The following GDAP1L1 variants were observed in gnomAD, a reference collection of about 807,000 sequenced individuals.
GDAP1L1 encodes ganglioside-induced differentiation-associated protein 1-like 1.
Under a neutral mutation model 37.1 loss-of-function variants are expected in GDAP1L1, and 21 were observed. The observed-to-expected ratio is 0.57, with a 90% confidence interval of 0.40 to 0.81. The LOEUF (loss-of-function observed/expected upper bound fraction) is 0.81, where lower values mean the gene tolerates loss of function less well. Ranked by LOEUF, GDAP1L1 falls within the 40% of genes least tolerant of loss-of-function variation. The pLI, the probability that GDAP1L1 is intolerant of heterozygous loss-of-function variation, is 0.00. For missense variants in GDAP1L1, 362 were observed against 491.6 expected, an observed-to-expected ratio of 0.74 and a Z score of 2.49; for synonymous variants, 193 against 209.1, an observed-to-expected ratio of 0.92 and a Z score of 0.67.
At chr20:44,254,287 TCATA>T (rs2073498588) in intron 1 of GDAP1L1, among the ~76,000 whole-genome samples, 1 of 152,032 alleles carries the variant, frequency 6.6e-6, no homozygotes, top group Admixed American at 6.6e-5. Flanking sequence ...TCACACTTAC[TCATA>T]CACTCTTCCA....
intron 5 of GDAP1L1, among the ~76,000 whole-genome samples, chr20:44,276,387 A>AGGAAG (rs1568659401): frequency 1.7e-3 from 166 of 96,914 alleles, no homozygotes; most frequent in African/African-American, 6.8e-3. Flanking sequence ...AGGAAGGAAA[A>AGGAAG]GAAAAGAAAG....
At chr20:44,268,396 T>G (rs745555028) in intron 5 of GDAP1L1, among the ~76,000 whole-genome samples, 1 of 152,220 alleles carries the variant, frequency 6.6e-6, no homozygotes, top group Non-Finnish European at 1.5e-5. Flanking sequence ...ATAATCATTA[T>G]TACCATTCTC....
At chr20:44,255,783 A>T (rs1353812273) in intron 1 of GDAP1L1, among the ~76,000 whole-genome samples, 1 of 152,012 alleles carries the variant, frequency 6.6e-6, no homozygotes, top group African/African-American at 2.4e-5. Flanking sequence ...TCTCCCCTGG[A>T]CCAGAGTGGA....
Position 44,263,330 on chromosome 20 carries a change from G to A in GDAP1L1, c.645+3G>A, listed in dbSNP as rs1004778644. 4 of 1,605,874 alleles carry A rather than the reference G, an allele frequency of 2.5e-6. No individual in the cohort carries two copies. Among genetic ancestry groups the A allele is most frequent in the Non-Finnish European group, 3.4e-6 (4 of 1,172,396 alleles). On this transcript the variant is annotated splice_donor_region_variant and intron_variant, in intron 4 of 5. Coordinates refer to ENST00000342560, the MANE Select transcript of GDAP1L1 (RefSeq NM_024034.6). Reference sequence around the variant, plus strand: ...TTTCTAAACAAAAGAAGCTCATGGTGAGTACCTCCCGGCCTGCTGAGTCCC... The same window carrying A: ...TTTCTAAACAAAAGAAGCTCATGGTAAGTACCTCCCGGCCTGCTGAGTCCC...
intron 5 of GDAP1L1, among the ~76,000 whole-genome samples, chr20:44,266,488 G>A (rs1370842231): frequency 2.0e-5 from 3 of 150,064 alleles, no homozygotes; most frequent in African/African-American, 4.9e-5. Flanking sequence ...TGGACATCAA[G>A]TATATGTTAT....
At chr20:44,263,421 T>C in intron 4 of GDAP1L1, 94 bp downstream of exon 4, 1 of 908,412 alleles carries the variant, frequency 1.1e-6, no homozygotes, top group Non-Finnish European at 1.8e-6. Context: ...CAGCTGATGA[T>C]ATGAAATGGA....
intron 1 of GDAP1L1, among the ~76,000 whole-genome samples, chr20:44,252,093 G>A (rs1272961463): frequency 6.6e-6 from 1 of 152,202 alleles, no homozygotes; most frequent in Admixed American, 6.5e-5. Context: ...ATTCATAATT[G>A]AAGAAAATGC....
Position 44,279,295 on chromosome 20 carries a change from A to G in GDAP1L1, c.1099A>G (p.Ile367Val), listed in dbSNP as rs1237894671. The change falls in exon 6 of 6, where the codon ATC (isoleucine) becomes GTC (valine). Residue 367 changes from isoleucine to valine, a missense_variant. Physicochemically the swap from Ile to Val is conservative, Grantham distance 29 (BLOSUM62 3). Around this residue, in one of 2 missense-constraint regions of GDAP1L1, gnomAD observed 85 missense variants for 154.4 expected, o/e 0.55. Transcript: ENST00000342560. ...FAYWYLKKKY[I>V] ...CTACTGGTACCTCAAGAAAAAATAC[A>G]TCTAGGGCCAGGCCTGGGGCTTGGT... The G allele has an allele frequency of 6.2e-7, 1 of 1,601,624 alleles. No individual in the cohort carries two copies. Among genetic ancestry groups the G allele is most frequent in the Admixed American group, 1.7e-5 (1 of 59,730 alleles).
intron 5 of GDAP1L1, among the ~76,000 whole-genome samples, chr20:44,268,522 A>G (rs904325077): frequency 6.6e-6 from 1 of 152,230 alleles, no homozygotes; most frequent in Non-Finnish European, 1.5e-5. Context: ...GCAGTCTTAC[A>G]GAGGAAAAAG....
At chr20:44,261,574 C>T (rs559558896) in intron 3 of GDAP1L1, among the ~76,000 whole-genome samples, 1 of 152,180 alleles carries the variant, frequency 6.6e-6, no homozygotes, top group South Asian at 2.1e-4. Context: ...CACTGCTCTC[C>T]AGAAGCTCAA....
intron 1 of GDAP1L1, 143 bp downstream of exon 1, chr20:44,247,657 G>C: frequency 1.3e-6 from 1 of 769,032 alleles, no homozygotes; most frequent in Non-Finnish European, 2.0e-6. Flanking sequence ...GGGACGCAAG[G>C]GTTCCTTCCA....
chr20:44,271,907 G>A (rs902208767), intron 5 of GDAP1L1, among the ~76,000 whole-genome samples: 1 of 152,176 alleles, frequency 6.6e-6, no homozygotes, highest in African/African-American at 2.4e-5. Flanking sequence ...ACATCCCAAG[G>A]CAGAGAGGAG....
chr20:44,270,678 C>G (rs1462381500), intron 5 of GDAP1L1, among the ~76,000 whole-genome samples: 1 of 152,170 alleles, frequency 6.6e-6, no homozygotes, highest in African/African-American at 2.4e-5. Context: ...TAGCTAGAGG[C>G]CTCTATCCCC....
At chr20:44,263,996 A>G (rs1048494528) in intron 4 of GDAP1L1, among the ~76,000 whole-genome samples, 1 of 152,214 alleles carries the variant, frequency 6.6e-6, no homozygotes, top group East Asian at 1.9e-4. Flanking sequence ...CTAAGCCTCA[A>G]TTGATTCCAC....
At chr20:44,276,622 A>T (rs2062585430) in intron 5 of GDAP1L1, among the ~76,000 whole-genome samples, 1 of 152,132 alleles carries the variant, frequency 6.6e-6, no homozygotes, top group South Asian at 2.1e-4. Flanking sequence ...CAGATAGTTT[A>T]TAGTGAATCA....
intron 1 of GDAP1L1, among the ~76,000 whole-genome samples, chr20:44,250,954 C>T (rs1009297348): frequency 2.6e-5 from 4 of 152,042 alleles, no homozygotes; most frequent in Admixed American, 6.6e-5. Context: ...TTTGATACAA[C>T]GTGCCTCCCT....
At chr20:44,276,432 G>T (rs986964504) in intron 5 of GDAP1L1, among the ~76,000 whole-genome samples, 1 of 140,868 alleles carries the variant, frequency 7.1e-6, no homozygotes, top group African/African-American at 2.6e-5. Context: ...AAGAAAGAAA[G>T]AAAGAAAGAA....
intron 5 of GDAP1L1, among the ~76,000 whole-genome samples, chr20:44,276,038 G>A (rs1670374256): frequency 6.6e-6 from 1 of 151,896 alleles, no homozygotes; most frequent in African/African-American, 2.4e-5. Flanking sequence ...AAATCAAAAT[G>A]AGGCCAGGTG....
In GDAP1L1 at chr20:44,258,442, G is replaced by A; in HGVS notation, c.382G>A (p.Val128Met). 5 of 1,551,194 alleles carry A rather than the reference G, an allele frequency of 3.2e-6. No individual in the cohort carries two copies. Among genetic ancestry groups the A allele is most frequent in the South Asian group, 1.2e-5 (1 of 84,074 alleles). Residue 128 changes from valine to methionine, a missense_variant, in exon 3 of 6, where the codon GTG becomes ATG. By Grantham distance (21) the Val-to-Met change is conservative (BLOSUM62 1). This residue lies in a region of GDAP1L1 where 277 missense variants were observed against 337.1 expected (regional missense o/e 0.82). Coordinates refer to ENST00000342560, the MANE Select transcript of GDAP1L1 (RefSeq NM_024034.6). ...VERTFTGEHVVALMPEVGSLQ... is the reference protein window; with the variant it reads ...VERTFTGEHVMALMPEVGSLQ... Reference sequence around the variant, plus strand: ...CCTGGCGGTGCCCACAGAGCACGTGGTGGCCCTGATGCCCGAGGTGGGCAG... The same window carrying A: ...CCTGGCGGTGCCCACAGAGCACGTGATGGCCCTGATGCCCGAGGTGGGCAG...
Sources: gnomAD v4.1 joint callset for allele counts (sites outside exome capture counted in the v4.1 genomes callset) on GRCh38, gnomAD v4.1.1 for gene constraint, gnomAD v4.1.1 regional missense constraint, MANE v1.5 for transcripts, NCBI Gene and HGNC (gene_info 2026-07-23, HGNC 2026-07-21) for gene names.